Variants in SDHA observed in about 807,000 individuals in gnomAD.
SDHA encodes the protein succinate dehydrogenase complex flavoprotein subunit A.
SDHA carries 48 observed loss-of-function variants against 78.4 expected under a neutral mutation model. The observed-to-expected ratio is 0.61, with a 90% confidence interval of 0.49 to 0.78. The LOEUF (loss-of-function observed/expected upper bound fraction) is 0.78. Ranked by LOEUF, SDHA falls within the 30% of genes least tolerant of loss-of-function variation. The pLI is 0.00. For missense variants in SDHA, 680 were observed against 892.7 expected (o/e 0.76, Z 3.04); for synonymous variants, 326 against 353.9 (o/e 0.92, Z 0.88).
chr5:229,128 G>A (rs796977517), intron 6 of SDHA, among the ~76,000 whole-genome samples: 6 of 152,188 alleles, frequency 3.9e-5, no homozygotes, highest in Admixed American at 6.5e-5. Context: ...GCAAGTGTTG[G>A]TGAGGATGTG....
chr5:266,141 A>G, the SDHA span, among the ~76,000 whole-genome samples: 1 of 152,272 alleles, frequency 6.6e-6, no homozygotes, highest in East Asian at 1.9e-4. Flanking sequence ...CACAGCTGAC[A>G]TGTAATGGGA....
the SDHA span, among the ~76,000 whole-genome samples, chr5:262,529 G>A: frequency 2.8e-5 from 4 of 142,564 alleles, no homozygotes; most frequent in East Asian, 1.9e-4. Flanking sequence ...GTTATGCGCC[G>A]CTTATGAAAA....
At chr5:239,334 A>T (rs1433100468) in intron 10 of SDHA, among the ~76,000 whole-genome samples, 1 of 152,194 alleles carries the variant, frequency 6.6e-6, no homozygotes, top group Non-Finnish European at 1.5e-5. Flanking sequence ...AAGCCAAGGC[A>T]GGTGGCTCAC....
rs191318615 is a variant in SDHA, at chr5:225,378, G to A, written c.313-41G>A. 6.0e-5 allele frequency: 96 copies of A among 1,611,868 alleles called. No homozygotes were observed. The African/African-American group carries it at 6.1e-4, about 10-fold the overall frequency. ...TTTGGGCCTGGAAGACAAAGTTGGC[G>A]CTCCTGTTTGTGGCTTGTAAGGAGT... On this transcript the variant is annotated intron_variant, in intron 3 of 14. Coordinates refer to ENST00000264932, the MANE Select transcript of SDHA (RefSeq NM_004168.4).
chr5:248,666 A>G (rs1736624104), intron 11 of SDHA, among the ~76,000 whole-genome samples: 1 of 152,180 alleles, frequency 6.6e-6, no homozygotes, highest in Non-Finnish European at 1.5e-5. Context: ...GTCAGAGAAA[A>G]TGAACGTACA....
chr5:224,278 G>A lies in SDHA; in HGVS notation c.151-82G>A, dbSNP rs1734878458. The A allele has an allele frequency of 2.7e-6, 4 of 1,454,874 alleles. No homozygotes were observed. In the South Asian group the frequency reaches 4.6e-5, roughly 17 times the overall value. 90.1% of individuals were successfully genotyped at this position (1,454,874 alleles called of 1,614,324 possible). On this transcript the variant is annotated intron_variant, in intron 2 of 14. Transcript: ENST00000264932. ...CCCAGCAGTTGCTCCTTTTATCTTT[G>A]TCAAGCTCTTTCACTGTCACAAGAT...
intron 7 of SDHA, among the ~76,000 whole-genome samples, chr5:231,421 G>A (rs182180257): frequency 7.9e-5 from 12 of 152,130 alleles, no homozygotes; most frequent in African/African-American, 2.7e-4. Context: ...TCAGCTGGGC[G>A]TGATGGCGTG....
At position 251,100 on chromosome 5, in the gene SDHA, C is replaced by A. The variant is rs9809219; in HGVS notation, c.1660C>A (p.Arg554=). ...CCTAAAGCACCTGAAGACGTTCGAC[C>A]GGGGTGAGCAGACAGTGGGCTCTGT... is the stretch of plus-strand genomic sequence containing the variant. ...GDLKHLKTFD[R]GMVWNTDLVE... Residue 554 remains arginine (R), a synonymous_variant, in exon 12 of 15, where the codon CGG becomes AGG. Coordinates refer to ENST00000264932, the MANE Select transcript of SDHA (RefSeq NM_004168.4). The A allele has an allele frequency of 1.9e-6, 3 of 1,611,552 alleles. No individual in the cohort carries two copies. Among genetic ancestry groups the A allele is most frequent in the Non-Finnish European group, 2.5e-6 (3 of 1,179,472 alleles).
At chr5:218,483 G>A (rs2303740) in intron 1 of SDHA, 65 bp downstream of exon 1, 598,692 of 1,224,468 alleles carry the variant, frequency 0.49, 152,300 homozygotes, top group South Asian at 0.53. Flanking sequence ...GAGCGGGACG[G>A]TCCCCAGCGG....
intron 1 of SDHA, among the ~76,000 whole-genome samples, chr5:223,118 A>G (rs115003461): frequency 2.2e-3 from 331 of 152,352 alleles, no homozygotes; most frequent in African/African-American, 7.4e-3. Context: ...TACCACATAC[A>G]GTAATACAAT....
At chr5:233,246 C>T (rs965589224) in intron 7 of SDHA, among the ~76,000 whole-genome samples, 8 of 152,158 alleles carry the variant, frequency 5.3e-5, no homozygotes, top group African/African-American at 1.2e-4. Context: ...CCTTTCTCCT[C>T]TCTGGGGACA....
At chr5:231,039 T>C (rs527606571) in intron 7 of SDHA, 39 bp downstream of exon 7, 5 of 1,612,086 alleles carry the variant, frequency 3.1e-6, no homozygotes, top group Non-Finnish European at 3.4e-6. Context: ...GTTTGGCTTG[T>C]GTGTGTCTTG....
intron 10 of SDHA, among the ~76,000 whole-genome samples, chr5:238,466 T>G (rs1735922921): frequency 6.7e-6 from 1 of 149,544 alleles, no homozygotes; most frequent in Non-Finnish European, 1.5e-5. Context: ...TTTTAAGAGA[T>G]AGTCTCCCTC....
chr5:258,927 T>G (rs7379488), downstream of SDHA, among the ~76,000 whole-genome samples: 1 of 27,670 alleles, frequency 3.6e-5, no homozygotes, highest in Non-Finnish European at 7.5e-5. Context: ...CCGCCTCCCG[T>G]CCGAGCATTA....
At chr5:222,096 TATG>T (rs1324350647) in intron 1 of SDHA, among the ~76,000 whole-genome samples, 4 of 152,216 alleles carry the variant, frequency 2.6e-5, no homozygotes, top group African/African-American at 9.6e-5. Flanking sequence ...TTTCTTAAAA[TATG>T]ATTTTACCAT....
At chr5:231,089 A>G in intron 7 of SDHA, 89 bp downstream of exon 7, 1 of 1,447,940 alleles carries the variant, frequency 6.9e-7, no homozygotes, top group Non-Finnish European at 9.7e-7. Flanking sequence ...CCATAGTTTT[A>G]TGTAATAACA....
chr5:242,710 G>C (rs1736223629), intron 11 of SDHA, among the ~76,000 whole-genome samples: 2 of 152,170 alleles, frequency 1.3e-5, no homozygotes, highest in South Asian at 4.1e-4. Context: ...GAGCGATGGA[G>C]AACATGGAAC....
intron 11 of SDHA, chr5:250,626 C>T (rs181012853): frequency 4.8e-5 from 17 of 352,396 alleles, no homozygotes; most frequent in East Asian, 1.5e-4. Context: ...CACCAGACCC[C>T]GCGTCAGGAG....
chr5:251,834 G>A (rs1370269587), intron 13 of SDHA: 5 of 1,017,828 alleles, frequency 4.9e-6, no homozygotes, highest in Non-Finnish European at 6.4e-6. Flanking sequence ...GGAAATGCCA[G>A]TTTATTAAAT....
Sources: gnomAD v4.1 joint callset for allele counts (sites outside exome capture counted in the v4.1 genomes callset) on GRCh38, gnomAD v4.1.1 for gene constraint, MANE v1.5 for transcripts, NCBI Gene and HGNC (gene_info 2026-07-23, HGNC 2026-07-21) for gene names.